The following ENTPD4 variants were observed in gnomAD, a reference collection of about 807,000 sequenced individuals.
ENTPD4 encodes the protein ectonucleoside triphosphate diphosphohydrolase 4.
A neutral mutation model predicts 79.1 loss-of-function variants in ENTPD4; 60 were observed. The ratio of observed to expected loss-of-function variants is 0.76; its 90% CI spans 0.62 to 0.94. The LOEUF is 0.94. Ranked by LOEUF, ENTPD4 falls within the 40% of genes least tolerant of loss-of-function variation. The probability of loss-of-function intolerance (pLI) is 0.00; values close to 1 mark genes in which losing one functional copy is unlikely to be tolerated. For missense variants in ENTPD4, 772 were observed against 775.1 expected (o/e 1.00, Z 0.05); for synonymous variants, 276 against 292.0 (o/e 0.95, Z 0.56).
chr8:23,436,742 T>C (rs1339512625), intron 10 of ENTPD4, among the ~76,000 whole-genome samples, 192 bp downstream of exon 10: 1 of 152,084 alleles, frequency 6.6e-6, no homozygotes, highest in Non-Finnish European at 1.5e-5. Flanking sequence ...GAAGTCAGCG[T>C]ACAGTACATT....
In ENTPD4 at chr8:23,432,178, A is replaced by G; in HGVS notation, c.*748T>C. The stretch of plus-strand genomic sequence containing the variant: ...ACCTGAACAATAAATAAAAAAAAAA[A>G]TCACCCTCTTCAGGTTAGAGCTTTC... On this transcript the variant is annotated 3_prime_UTR_variant, in exon 13 of 13. Transcript: ENST00000358689. The G allele has an allele frequency of 1.0e-6, 1 of 983,360 alleles. No individual in the cohort carries two copies. Among genetic ancestry groups the G allele is most frequent in the African/African-American group, 1.7e-5 (1 of 57,182 alleles). The allele number at this position is 983,360 out of a possible 1,614,324, so 60.9% of individuals were successfully genotyped here.
rs190514217 is a variant in ENTPD4 at position 23,434,378 on chromosome 8, C to T, written c.1561G>A (p.Asp521Asn). The T allele has an allele frequency of 4.0e-5, 65 of 1,614,168 alleles. No homozygotes were observed. In the East Asian group the frequency reaches 6.7e-4, roughly 17 times the overall value. The change falls in exon 12 of 13, where the codon GAC (aspartate) becomes AAC (asparagine). Residue 521 changes from aspartate (D) to asparagine (N), a missense_variant. By Grantham distance (23) the Asp-to-Asn change is conservative. Coordinates refer to ENST00000358689, the MANE Select transcript of ENTPD4 (RefSeq NM_004901.5). ...CCAAGGGTCCACTGAACCTCCTTGT[C>T]GTAAACTTGCAAGGCAGTCTTTAAG... ...KSLKTALQVY[D>N]KEVQWTLGAI...
chr8:23,453,567 T>C (rs1278487060), intron 1 of ENTPD4, among the ~76,000 whole-genome samples: 1 of 152,144 alleles, frequency 6.6e-6, no homozygotes, highest in Non-Finnish European at 1.5e-5. Context: ...GCTGATAAAA[T>C]AATCAGTATT....
intron 3 of ENTPD4, among the ~76,000 whole-genome samples, chr8:23,448,530 ACCT>A (rs1800802342): frequency 6.6e-6 from 1 of 151,888 alleles, no homozygotes; most frequent in Non-Finnish European, 1.5e-5. Flanking sequence ...CAGCAAGAAG[ACCT>A]CCTCATCTCA....
At position 23,430,553 on chromosome 8, in the gene ENTPD4, C is replaced by A. The variant is rs998810724; in HGVS notation, c.*2373G>T. On this transcript the variant is annotated 3_prime_UTR_variant, in exon 13 of 13. Transcript: ENST00000358689. The stretch of plus-strand genomic sequence containing the variant: ...TAGTAAATATTCTAGGCTTTACAGG[C>A]CACATATAGTGTCTGCTGCATATTC... 113 of 983,592 alleles carry A rather than the reference C, an allele frequency of 1.1e-4. No homozygotes were observed. Among genetic ancestry groups the A allele is most frequent in the East Asian group, 3.4e-4 (3 of 8,810 alleles). 60.9% of individuals were successfully genotyped at this position (983,592 alleles called of 1,614,324 possible).
At chr8:23,437,313 G>C in intron 9 of ENTPD4, 55 bp from the exon 10 acceptor site, 1 of 1,373,026 alleles carries the variant, frequency 7.3e-7, no homozygotes, top group Non-Finnish European at 1.0e-6. Context: ...GTGTTTTCAG[G>C]AAGTGGCTGC....
At chr8:23,441,762 T>A (rs1800675869) in intron 7 of ENTPD4, 39 bp from the exon 8 acceptor site, 2 of 1,603,044 alleles carry the variant, frequency 1.2e-6, no homozygotes, top group African/African-American at 2.7e-5. Flanking sequence ...ACAGAACTAA[T>A]CCAGAGAACT....
rs1013712094 is a variant in ENTPD4, at chr8:23,441,841, T to G, written c.728-118A>C. The G allele has an allele frequency of 1.4e-5, 17 of 1,237,762 alleles. No homozygotes were observed. In the Admixed American group the frequency reaches 2.7e-4, roughly 20 times the overall value. The allele number at this position is 1,237,762 out of a possible 1,614,324, so 76.7% of individuals were successfully genotyped here. ...GCATATTCAGGCAAACCCAGTCTAC[T>G]CCTCCCAACTAAAATCAAGTTGAAT... On this transcript the variant is annotated intron_variant, in intron 7 of 12. Transcript: ENST00000358689.
At chr8:23,454,732 T>C (rs1443084092) in intron 1 of ENTPD4, among the ~76,000 whole-genome samples, 1 of 152,028 alleles carries the variant, frequency 6.6e-6, no homozygotes, top group Non-Finnish European at 1.5e-5. Flanking sequence ...TTGAGATATG[T>C]GATGATTTTG....
chr8:23,455,995 T>C (rs911316236), intron 1 of ENTPD4, among the ~76,000 whole-genome samples: 2 of 152,216 alleles, frequency 1.3e-5, no homozygotes, highest in South Asian at 2.1e-4. Flanking sequence ...GACAGATCTC[T>C]TGGCGACTCA....
intron 12 of ENTPD4, 82 bp from the exon 13 acceptor site, chr8:23,433,236 C>T (rs1224481837): frequency 7.5e-6 from 9 of 1,200,094 alleles, no homozygotes; most frequent in Non-Finnish European, 1.1e-5. Flanking sequence ...ACGGCGGGAC[C>T]CAGGCCCCAG....
rs1192152718 is a variant in ENTPD4, at chr8:23,430,056, C to T, written c.*2870G>A. 5.2e-5 allele frequency: 51 copies of T among 985,342 alleles called. No individual in the cohort carries two copies. The highest frequency in any genetic ancestry group is 5.9e-5 in the Non-Finnish European group (49 of 829,942). The allele number at this position is 985,342 out of a possible 1,614,324, so 61.0% of individuals were successfully genotyped here. A position where few individuals can be genotyped will look rare whatever the true frequency, so the allele number is the denominator to read the frequency against. On this transcript the variant is annotated 3_prime_UTR_variant, in exon 13 of 13. Transcript: ENST00000358689. ...GTTCCTAGTCCAATTTCTTCTGCTA[C>T]AAGTACACAGAATTTACTGCCTTCT...
In ENTPD4 at chr8:23,431,604, C is replaced by G; in HGVS notation, c.*1322G>C. On this transcript the variant is annotated 3_prime_UTR_variant, in exon 13 of 13. Coordinates refer to ENST00000358689, the MANE Select transcript of ENTPD4 (RefSeq NM_004901.5). ...TTACAGTGGTGCTGCCAGCAACAGCCTCAGTCAATGCGGTTAGGAAGAGGA... is the reference window on the plus strand; with the variant it reads ...TTACAGTGGTGCTGCCAGCAACAGCGTCAGTCAATGCGGTTAGGAAGAGGA... 2.0e-6 allele frequency: 2 copies of G among 985,392 alleles called. No homozygotes were observed. Among genetic ancestry groups the G allele is most frequent in the African/African-American group, 3.5e-5 (2 of 57,322 alleles). 61.0% of individuals were successfully genotyped at this position (985,392 alleles called of 1,614,324 possible).
At chr8:23,440,007 G>C (rs1800639902) in intron 8 of ENTPD4, 92 bp from the exon 9 acceptor site, 14 of 1,051,518 alleles carry the variant, frequency 1.3e-5, no homozygotes, top group Non-Finnish European at 1.8e-5. Context: ...ATCTAAAAGG[G>C]ACAAAAATGT....
Position 23,432,840 on chromosome 8 carries a change from A to G in ENTPD4, c.*86T>C. On this transcript the variant is annotated 3_prime_UTR_variant, in exon 13 of 13. Coordinates refer to ENST00000358689, the MANE Select transcript of ENTPD4 (RefSeq NM_004901.5). ...TGGAGGAACAAAAAAGGGAAAGAAA[A>G]AACAAAACCACAGGAAAATAAAGAG... is the stretch of plus-strand genomic sequence containing the variant. The G allele has an allele frequency of 1.4e-6, 2 of 1,456,332 alleles. No homozygotes were observed. Among genetic ancestry groups the G allele is most frequent in the South Asian group, 2.9e-5 (2 of 68,894 alleles). The allele number at this position is 1,456,332 out of a possible 1,614,324, so 90.2% of individuals were successfully genotyped here.
intron 1 of ENTPD4, among the ~76,000 whole-genome samples, chr8:23,450,951 C>T (rs1446729911): frequency 1.3e-5 from 2 of 152,158 alleles, no homozygotes; most frequent in Admixed American, 1.3e-4. Context: ...CCAAGCTACA[C>T]AAATCGGAAA....
intron 9 of ENTPD4, among the ~76,000 whole-genome samples, chr8:23,438,259 G>C (rs1446640808): frequency 6.6e-6 from 1 of 152,136 alleles, no homozygotes; most frequent in Admixed American, 6.5e-5. Flanking sequence ...ACTGTTAAAG[G>C]GTTAAGCATG....
chr8:23,429,183 T>G lies in ENTPD4; in HGVS notation c.*3743A>C, dbSNP rs886182256. On this transcript the variant is annotated 3_prime_UTR_variant, in exon 13 of 13. Coordinates refer to ENST00000358689, the MANE Select transcript of ENTPD4 (RefSeq NM_004901.5). ...GCCATGGGATGATGAACTTTCGTTT[T>G]ATTGATTTTTCAGTACCCAAGTGTG... 2.0e-6 allele frequency: 2 copies of G among 985,328 alleles called. No homozygotes were observed. The highest frequency in any genetic ancestry group is 3.5e-5 in the African/African-American group (2 of 57,240). 61.0% of individuals were successfully genotyped at this position (985,328 alleles called of 1,614,324 possible). A position where few individuals can be genotyped will look rare whatever the true frequency, so the allele number is the denominator to read the frequency against.
At chr8:23,437,525 G>C (rs776988430) in intron 9 of ENTPD4, among the ~76,000 whole-genome samples, 1 of 152,170 alleles carries the variant, frequency 6.6e-6, no homozygotes, top group Non-Finnish European at 1.5e-5. Flanking sequence ...GACGATCCTG[G>C]CAACAAGGCC....
Sources: gnomAD v4.1 joint callset for allele counts (sites outside exome capture counted in the v4.1 genomes callset) on GRCh38, gnomAD v4.1.1 for gene constraint, MANE v1.5 for transcripts, NCBI Gene and HGNC (gene_info 2026-07-23, HGNC 2026-07-21) for gene names.